The following PAM variants were observed in gnomAD, a reference collection of about 807,000 sequenced individuals.
The protein encoded by PAM is peptidylglycine alpha-amidating monooxygenase.
A neutral mutation model predicts 122.1 loss-of-function variants in PAM; 72 were observed. The observed-to-expected ratio is 0.59, with a 90% CI of 0.49 to 0.72. PAM has a LOEUF of 0.72. Ranked by LOEUF, PAM falls within the 30% of genes least tolerant of loss-of-function variation. PAM has a pLI of 0.00. For missense variants in PAM, 1,106 were observed against 1,183.7 expected (o/e 0.93, Z 0.96); for synonymous variants, 389 against 404.4 (o/e 0.96, Z 0.46).
intron 3 of PAM, among the ~76,000 whole-genome samples, chr5:102,868,328 G>A (rs551293225): frequency 6.6e-6 from 1 of 152,192 alleles, no homozygotes; most frequent in South Asian, 2.1e-4. Context: ...AATTCCCTTT[G>A]CAATTGACAT....
intron 3 of PAM, among the ~76,000 whole-genome samples, chr5:102,869,103 T>G (rs1042227371): frequency 3.9e-5 from 6 of 152,222 alleles, no homozygotes; most frequent in African/African-American, 1.4e-4. Context: ...TCCTTGCTCC[T>G]TCTCTGAGAC....
intron 7 of PAM, among the ~76,000 whole-genome samples, chr5:102,943,547 GT>G (rs1217185771): frequency 6.6e-6 from 1 of 151,876 alleles, no homozygotes; most frequent in African/African-American, 2.4e-5. Context: ...TAGAACCCTT[GT>G]TTTTTATTTT....
chr5:102,757,621 C>G (rs940331986), intron 1 of PAM, among the ~76,000 whole-genome samples: 1 of 152,058 alleles, frequency 6.6e-6, no homozygotes, highest in African/African-American at 2.4e-5. Flanking sequence ...TTCTCAACTC[C>G]TTGAGGAAGG....
At chr5:103,016,470 C>G (rs180958370) in intron 21 of PAM, among the ~76,000 whole-genome samples, 1 of 152,292 alleles carries the variant, frequency 6.6e-6, no homozygotes, top group East Asian at 1.9e-4. Context: ...CTGCCAACTG[C>G]CAGACCCAGG....
chr5:102,867,210 C>T lies in PAM; in HGVS notation c.90-63C>T. 3.5e-6 allele frequency: 4 copies of T among 1,141,328 alleles called. 1 individual carries two copies. The South Asian group carries it at 5.4e-5, about 15-fold the overall frequency. 70.7% of individuals were successfully genotyped at this position (1,141,328 alleles called of 1,614,324 possible). A position where few individuals can be genotyped will look rare whatever the true frequency, so the allele number is the denominator to read the frequency against. On this transcript the variant is annotated intron_variant, in intron 2 of 25. Transcript: ENST00000438793. Reference sequence around the variant, plus strand: ...AGGTCATAGAATTCCTTTCTTTCCCCTTCTCATGTTGAGTTTAGATTCCAT... The same window carrying T: ...AGGTCATAGAATTCCTTTCTTTCCCTTTCTCATGTTGAGTTTAGATTCCAT...
intron 1 of PAM, among the ~76,000 whole-genome samples, chr5:102,861,088 A>G (rs1784049517): frequency 6.6e-6 from 1 of 152,190 alleles, no homozygotes; most frequent in African/African-American, 2.4e-5. Flanking sequence ...CATATTGAGG[A>G]CATGTTTTTT....
intron 5 of PAM, among the ~76,000 whole-genome samples, chr5:102,916,666 A>C (rs1803207031): frequency 6.8e-6 from 1 of 147,070 alleles, no homozygotes; most frequent in Non-Finnish European, 1.5e-5. Flanking sequence ...ATATATAAAG[A>C]TTATAATACA....
rs140782699 is a variant in PAM at position 102,780,228 on chromosome 5, C to T, written c.-374+24880C>T. Among the ~76,000 whole-genome samples the T allele has an allele frequency of 8.8e-3, 1,335 of 151,992 alleles. 20 individuals are homozygous for T. The highest frequency in any genetic ancestry group is 0.031 in the African/African-American group (1,281 of 41,438). On this transcript the variant is annotated intron_variant, in intron 1 of 25. Transcript: ENST00000438793. ...AGCATATATAGGATTCAGCACTATC[C>T]ACAGTTTTAAGCATTTACTGGGAGT...
chr5:103,022,383 C>T (rs1018425047), intron 23 of PAM, among the ~76,000 whole-genome samples: 6 of 152,092 alleles, frequency 3.9e-5, no homozygotes, highest in African/African-American at 1.4e-4. Context: ...CCTTCCCTTC[C>T]TGTCCAAGTT....
At chr5:102,779,932 T>TACACACACACACAC (rs1758267632) in intron 1 of PAM, among the ~76,000 whole-genome samples, 1 of 106,660 alleles carries the variant, frequency 9.4e-6, no homozygotes, top group Non-Finnish European at 1.9e-5. Flanking sequence ...CACATATATA[T>TACACACACACACAC]ATGTATATAT....
intron 1 of PAM, among the ~76,000 whole-genome samples, chr5:102,801,865 G>T (rs1016595385): frequency 4.2e-4 from 57 of 134,690 alleles, no homozygotes; most frequent in African/African-American, 1.5e-3. Flanking sequence ...TGCAAGCTCC[G>T]CCTCCTGGGT....
chr5:103,024,134 T>C (rs148385588), intron 23 of PAM, among the ~76,000 whole-genome samples: 21 of 152,266 alleles, frequency 1.4e-4, no homozygotes, highest in Admixed American at 3.9e-4. Context: ...GTATGACCTG[T>C]GAGTCTTCCT....
At chr5:102,980,521 G>A (rs1455467562) in intron 15 of PAM, among the ~76,000 whole-genome samples, 2 of 152,104 alleles carry the variant, frequency 1.3e-5, no homozygotes, top group Non-Finnish European at 2.9e-5. Flanking sequence ...GAATAATTCC[G>A]ATACAGTTCT....
chr5:102,840,420 C>A (rs1443314597), intron 1 of PAM, among the ~76,000 whole-genome samples: 1 of 152,008 alleles, frequency 6.6e-6, no homozygotes, highest in Non-Finnish European at 1.5e-5. Context: ...ATTCTTACAG[C>A]AATGATAATT....
intron 3 of PAM, among the ~76,000 whole-genome samples, chr5:102,871,057 T>C (rs1787260131): frequency 6.6e-6 from 1 of 152,240 alleles, no homozygotes; most frequent in Non-Finnish European, 1.5e-5. Context: ...TTTTCCATAA[T>C]GTTTATTGCC....
At chr5:102,755,872 T>A (rs1054561848) in intron 1 of PAM, among the ~76,000 whole-genome samples, 1 of 151,952 alleles carries the variant, frequency 6.6e-6, no homozygotes, top group African/African-American at 2.4e-5. Flanking sequence ...CAGTGGAAAT[T>A]CCTTCCCCTC....
At chr5:102,834,715 G>T (rs567937074) in intron 1 of PAM, among the ~76,000 whole-genome samples, 2 of 152,218 alleles carry the variant, frequency 1.3e-5, no homozygotes, top group African/African-American at 4.8e-5. Flanking sequence ...GTAGGAGCCT[G>T]CCTGTGAAAA....
At chr5:102,789,084 G>A (rs1761358256) in intron 1 of PAM, among the ~76,000 whole-genome samples, 2 of 152,054 alleles carry the variant, frequency 1.3e-5, no homozygotes, top group African/African-American at 2.4e-5. Context: ...TATACCTTAC[G>A]TCATAGGTAT....
intron 20 of PAM, 98 bp downstream of exon 20, chr5:103,007,755 CTATA>C: frequency 1.4e-6 from 1 of 738,968 alleles, no homozygotes; most frequent in East Asian, 2.7e-5. Context: ...ATTTTCTTTG[CTATA>C]TATTTCACAT....
Sources: gnomAD v4.1 joint callset for allele counts (sites outside exome capture counted in the v4.1 genomes callset) on GRCh38, gnomAD v4.1.1 for gene constraint, MANE v1.5 for transcripts, NCBI Gene and HGNC (gene_info 2026-07-23, HGNC 2026-07-21) for gene names.